The following FGFBP1 variants were observed in gnomAD, a reference collection of about 807,000 sequenced individuals.
FGFBP1 encodes fibroblast growth factor binding protein 1.
Under a neutral mutation model 14.6 loss-of-function variants are expected in FGFBP1, and 12 were observed. The ratio of observed to expected loss-of-function variants is 0.82; its 90% confidence interval spans 0.53 to 1.33. The LOEUF (loss-of-function observed/expected upper bound fraction) is 1.33. Ranked by LOEUF, FGFBP1 falls within the 40% of genes most tolerant of loss-of-function variation. FGFBP1 has a pLI of 0.00. For synonymous variants in FGFBP1, 117 were observed against 105.0 expected (o/e 1.11, Z -0.70); for missense variants, 317 against 271.8 (o/e 1.17, Z -1.17).
chr4:15,935,781 CA>C lies in FGFBP1; in HGVS notation c.*146del. 1 of 571,946 alleles carries C rather than the reference CA, an allele frequency of 1.7e-6. No individual in the cohort carries two copies. The highest frequency in any genetic ancestry group is 3.0e-6 in the Non-Finnish European group (1 of 333,262). The allele number at this position is 571,946 out of a possible 1,614,324, so 35.4% of individuals were successfully genotyped here. On this transcript the variant is annotated 3_prime_UTR_variant, in exon 3 of 3. Coordinates refer to ENST00000382333, the MANE Select transcript of FGFBP1 (RefSeq NM_005130.5). ...TAAGGCAAATTCCAAAACACAAAAG[CA>C]AAAAATACAAAACTTGTTTAAATAT... is the stretch of plus-strand genomic sequence containing the variant.
In FGFBP1 at chr4:15,936,372, T is replaced by A. The variant is rs777419256; in HGVS notation, c.261A>T (p.Gln87His). 6.2e-7 allele frequency: 1 copy of A among 1,614,104 alleles called. No homozygotes were observed. The highest frequency in any genetic ancestry group is 8.5e-7 in the Non-Finnish European group (1 of 1,180,034). Residue 87 changes from glutamine to histidine, a missense_variant, in exon 3 of 3, where the codon CAA (glutamine) becomes CAT (histidine). Physicochemically the swap from Gln to His is conservative, Grantham distance 24. Coordinates refer to ENST00000382333, the MANE Select transcript of FGFBP1 (RefSeq NM_005130.5). Reference sequence around the variant, plus strand: ...AGACACAGGAAAATTCATGGTCCAATTGAGTGCACTCAACCTTGAGAGAGA... The same window carrying A: ...AGACACAGGAAAATTCATGGTCCAAATGAGTGCACTCAACCTTGAGAGAGA... The part of the protein sequence containing the change: ...EGISLKVECT[Q>H]LDHEFSCVFA...
In FGFBP1 at chr4:15,936,168, T is replaced by C; in HGVS notation, c.465A>G (p.Leu155=). Residue 155 remains leucine, a synonymous_variant, in exon 3 of 3, where the codon CTA becomes CTG. Coordinates refer to ENST00000382333, the MANE Select transcript of FGFBP1 (RefSeq NM_005130.5). ...ESSLKLVSST[L]FGNTKPRKEK... The stretch of plus-strand genomic sequence containing the variant: ...CCTTCCTGGGCTTTGTGTTCCCAAA[T>C]AGAGTGGAGCTGACTAGCTTAAGAC... 1 of 1,614,192 alleles carries C rather than the reference T, an allele frequency of 6.2e-7. No individual in the cohort carries two copies. The highest frequency in any genetic ancestry group is 8.5e-7 in the Non-Finnish European group (1 of 1,180,012).
intron 2 of FGFBP1, among the ~76,000 whole-genome samples, chr4:15,937,917 G>A (rs1463745195): frequency 6.6e-6 from 1 of 152,190 alleles, no homozygotes; most frequent in Non-Finnish European, 1.5e-5. Flanking sequence ...ATGATAAGAT[G>A]ATTTGTATTA....
At chr4:15,938,148 C>T (rs1244079827) in intron 2 of FGFBP1, 103 bp downstream of exon 2, 4 of 152,212 alleles carry the variant, frequency 2.6e-5, no homozygotes, top group African/African-American at 9.7e-5. Flanking sequence ...GGGCTCAGCC[C>T]CCACCTGCCC....
At position 15,936,101 on chromosome 4, in the gene FGFBP1, CTT is replaced by C. The variant is rs1712471446; in HGVS notation, c.530_531del (p.Lys177ArgfsTer6). On this transcript the variant is annotated frameshift_variant, in exon 3 of 3. Coordinates refer to ENST00000382333, the MANE Select transcript of FGFBP1 (RefSeq NM_005130.5). LOFTEE classifies it high-confidence loss of function. ...EMSPREHIKGKETTPSSLAVT... is the reference protein window; with the variant it reads ...EMSPREHIKGXETTPSSLAVT... ...ACTGCTAGGCTAGAGGGGGTGGTCT[CTT>C]TGCCTTTGATGTGCTCCCTGGGGGA... 1.9e-6 allele frequency: 3 copies of C among 1,613,970 alleles called. No homozygotes were observed. The highest frequency in any genetic ancestry group is 1.3e-5 in the African/African-American group (1 of 74,886).
rs774940907 is a variant in FGFBP1 at position 15,936,144 on chromosome 4, C to T, written c.489G>A (p.Lys163=). Residue 163 remains lysine (K), a synonymous_variant, in exon 3 of 3, where the codon AAG becomes AAA. Coordinates refer to ENST00000382333, the MANE Select transcript of FGFBP1 (RefSeq NM_005130.5). ...CCCTGGGGGACATCTCTGTTTTCTCCTTCCTGGGCTTTGTGTTCCCAAATA... is the reference window on the plus strand; with the variant it reads ...CCCTGGGGGACATCTCTGTTTTCTCTTTCCTGGGCTTTGTGTTCCCAAATA... ...STLFGNTKPR[K]EKTEMSPREH... 2 of 1,614,042 alleles carry T rather than the reference C, an allele frequency of 1.2e-6. No individual in the cohort carries two copies. Among genetic ancestry groups the T allele is most frequent in the Non-Finnish European group, 1.7e-6 (2 of 1,179,930 alleles).
chr4:15,937,585 C>T (rs1315025712), intron 2 of FGFBP1, among the ~76,000 whole-genome samples: 1 of 152,164 alleles, frequency 6.6e-6, no homozygotes, highest in Admixed American at 6.5e-5. Flanking sequence ...TATATGACAC[C>T]TCCTGTGTGC....
intron 1 of FGFBP1, 63 bp downstream of exon 1, chr4:15,938,624 A>G (rs570413425): frequency 2.0e-4 from 30 of 152,306 alleles, no homozygotes; most frequent in African/African-American, 7.0e-4. Flanking sequence ...AGTGATGTCT[A>G]TGGAGGAGTA....
At chr4:15,936,679 G>T in intron 2 of FGFBP1, 27 bp from the exon 3 acceptor site, 1 of 1,408,666 alleles carries the variant, frequency 7.1e-7, no homozygotes. Context: ...AAGTGAGTCA[G>T]TGGCAGGCAG....
chr4:15,935,835 T>C lies in FGFBP1; in HGVS notation c.*93A>G. 1 of 752,284 alleles carries C rather than the reference T, an allele frequency of 1.3e-6. No individual in the cohort carries two copies. Among genetic ancestry groups the C allele is most frequent in the South Asian group, 3.2e-5 (1 of 31,606 alleles). The allele number at this position is 752,284 out of a possible 1,614,324, so 46.6% of individuals were successfully genotyped here. On this transcript the variant is annotated 3_prime_UTR_variant, in exon 3 of 3. Transcript: ENST00000382333. ...CGTTGCACTCACTAAGCACAAAAGTTCATATTTTGGGGGGACTGTAGAGAG... is the reference window on the plus strand; with the variant it reads ...CGTTGCACTCACTAAGCACAAAAGTCCATATTTTGGGGGGACTGTAGAGAG...
In FGFBP1 at chr4:15,936,108, T is replaced by C. The variant is rs2072313; in HGVS notation, c.525A>G (p.Lys175=). Residue 175 remains lysine, a synonymous_variant, in exon 3 of 3, where the codon AAA becomes AAG. Transcript: ENST00000382333. ...GGCTAGAGGGGGTGGTCTCTTTGCC[T>C]TTGATGTGCTCCCTGGGGGACATCT... is the stretch of plus-strand genomic sequence containing the variant. ...KTEMSPREHI[K]GKETTPSSLA... 1,550,865 of 1,614,062 alleles carry C rather than the reference T, an allele frequency of 0.96. 745,692 individuals carry two copies. Among genetic ancestry groups the C allele is most frequent in the South Asian group, 0.98 (88,819 of 91,080 alleles).
intron 2 of FGFBP1, 35 bp from the exon 3 acceptor site, chr4:15,936,687 C>T: frequency 7.5e-7 from 1 of 1,338,956 alleles, no homozygotes; most frequent in East Asian, 2.3e-5. Context: ...CAGTGGCAGG[C>T]AGCAGTTCAG....
intron 2 of FGFBP1, 71 bp from the exon 3 acceptor site, chr4:15,936,723 C>CA: frequency 2.2e-6 from 2 of 901,504 alleles, no homozygotes; most frequent in East Asian, 5.0e-5. Context: ...CGCTGGCCTC[C>CA]CCCTACCCTG....
intron 2 of FGFBP1, among the ~76,000 whole-genome samples, chr4:15,936,866 C>G (rs1273675436): frequency 6.6e-6 from 1 of 152,144 alleles, no homozygotes; most frequent in Non-Finnish European, 1.5e-5. Context: ...CTCTTTGGAG[C>G]CTCACGAACT....
rs527521905 is a variant in FGFBP1, at chr4:15,935,704, A to G, written c.*224T>C. On this transcript the variant is annotated 3_prime_UTR_variant, in exon 3 of 3. Coordinates refer to ENST00000382333, the MANE Select transcript of FGFBP1 (RefSeq NM_005130.5). Reference sequence around the variant, plus strand: ...GCTCAAACACATAGCTGTGTGGGCCATGGAAATACATGCTGCAGGAAACAG... The same window carrying G: ...GCTCAAACACATAGCTGTGTGGGCCGTGGAAATACATGCTGCAGGAAACAG... 9.4e-6 allele frequency: 4 copies of G among 425,864 alleles called. No individual in the cohort carries two copies. The highest frequency in any genetic ancestry group is 4.0e-5 in the African/African-American group (2 of 50,190). The allele number at this position is 425,864 out of a possible 1,614,324, so 26.4% of individuals were successfully genotyped here. A position where few individuals can be genotyped will look rare whatever the true frequency, so the allele number is the denominator to read the frequency against.
intron 2 of FGFBP1, among the ~76,000 whole-genome samples, chr4:15,937,784 C>T (rs1425743403): frequency 6.6e-6 from 1 of 152,170 alleles, no homozygotes; most frequent in East Asian, 1.9e-4. Context: ...TCTCCTTATT[C>T]CTTTCTGTCA....
At position 15,938,336 on chromosome 4, in the gene FGFBP1, G is replaced by A. The variant is rs148982929; in HGVS notation, c.-106C>T. 6.6e-6 allele frequency: 1 copy of A among 152,498 alleles called. No individual in the cohort carries two copies. The highest frequency in any genetic ancestry group is 1.5e-5 in the Non-Finnish European group (1 of 68,168). The allele number at this position is 152,498 out of a possible 1,614,324, so 9.4% of individuals were successfully genotyped here. On this transcript the variant is annotated 5_prime_UTR_variant, in exon 2 of 3. Transcript: ENST00000382333. ...AGCTGTGTCAGGTAGAGTGCAAGGGGGGTAGACTATTCAACAGGAGCCAGG... is the reference window on the plus strand; with the variant it reads ...AGCTGTGTCAGGTAGAGTGCAAGGGAGGTAGACTATTCAACAGGAGCCAGG...
rs1362797469 is a variant in FGFBP1 at position 15,936,499 on chromosome 4, T to G, written c.134A>C (p.Asn45Thr). Reference sequence around the variant, plus strand: ...CCTGCTTTTCTGCTTAATCTGGGTGTTGCCCAGAGTGTCCTTTTGTTCTGA... The same window carrying G: ...CCTGCTTTTCTGCTTAATCTGGGTGGTGCCCAGAGTGTCCTTTTGTTCTGA... ...VVSEQKDTLGNTQIKQKSRPG... is the reference protein window; with the variant it reads ...VVSEQKDTLGTTQIKQKSRPG... The change falls in exon 3 of 3, where the codon AAC (asparagine) becomes ACC (threonine). Residue 45 changes from asparagine (N) to threonine (T), a missense_variant. Asn to Thr is a moderately conservative substitution (Grantham distance 65). Transcript: ENST00000382333. 1 of 1,614,194 alleles carries G rather than the reference T, an allele frequency of 6.2e-7. No individual in the cohort carries two copies.
At position 15,936,463 on chromosome 4, in the gene FGFBP1, T is replaced by G; in HGVS notation, c.170A>C (p.Lys57Thr). The stretch of plus-strand genomic sequence containing the variant: ...TTGGTCTTTGGTGACAAACTTGCCT[T>G]TGTTCCCGGGCCTGCTTTTCTGCTT... ...QIKQKSRPGN[K>T]GKFVTKDQAN... The change falls in exon 3 of 3, where the codon AAA becomes ACA. Residue 57 changes from lysine (K) to threonine (T), a missense_variant. By Grantham distance (78) the Lys-to-Thr change is moderately conservative. Transcript: ENST00000382333. 4 of 1,614,166 alleles carry G rather than the reference T, an allele frequency of 2.5e-6. No individual in the cohort carries two copies. Among genetic ancestry groups the G allele is most frequent in the Non-Finnish European group, 3.4e-6 (4 of 1,180,030 alleles).
Sources: gnomAD v4.1 joint callset for allele counts (sites outside exome capture counted in the v4.1 genomes callset) on GRCh38, gnomAD v4.1.1 for gene constraint, MANE v1.5 for transcripts, NCBI Gene and HGNC (gene_info 2026-07-23, HGNC 2026-07-21) for gene names.